Variants in CEP128 observed in about 807,000 individuals in gnomAD.
CEP128 encodes the protein centrosomal protein 128kDa.
A neutral mutation model predicts 156.7 loss-of-function variants in CEP128; 132 were observed. The ratio of observed to expected loss-of-function variants is 0.84; its 90% CI spans 0.73 to 0.97. The LOEUF is 0.97. Ranked by LOEUF, CEP128 falls within the 50% of genes least tolerant of loss-of-function variation. CEP128 has a pLI of 0.00. For synonymous variants in CEP128, 469 were observed against 448.9 expected (o/e 1.04, Z -0.57); for missense variants, 1,252 against 1,281.9 (o/e 0.98, Z 0.36).
At chr14:80,525,430 A>T (rs1888931147) in intron 23 of CEP128, among the ~76,000 whole-genome samples, 2 of 152,210 alleles carry the variant, frequency 1.3e-5, no homozygotes, top group Admixed American at 1.3e-4. Context: ...GTTAAATATG[A>T]TAAGGTATAT....
Position 80,872,442 on chromosome 14 carries a change from T to G in CEP128, c.646-9569A>C, listed in dbSNP as rs193110056. On this transcript the variant is annotated intron_variant, in intron 8 of 24. Transcript: ENST00000555265. ...GACAGCAACCACAACTTTTTGTCTCTCAAAGAAAAATGTGTTCCATAAGCT... is the reference window on the plus strand; with the variant it reads ...GACAGCAACCACAACTTTTTGTCTCGCAAAGAAAAATGTGTTCCATAAGCT... 2.3e-3 allele frequency among the ~76,000 whole-genome samples: 345 copies of G among 152,276 alleles called. 3 individuals are homozygous for G. Among genetic ancestry groups the G allele is most frequent in the Non-Finnish European group, 3.2e-3 (215 of 68,008 alleles).
At chr14:80,591,414 G>A (rs1480645875) in intron 19 of CEP128, among the ~76,000 whole-genome samples, 1 of 151,820 alleles carries the variant, frequency 6.6e-6, no homozygotes, top group Non-Finnish European at 1.5e-5. Flanking sequence ...GACAAAGAAG[G>A]GCATTACATA....
intron 19 of CEP128, among the ~76,000 whole-genome samples, chr14:80,720,679 C>T (rs1272889658): frequency 1.3e-5 from 2 of 152,120 alleles, no homozygotes; most frequent in African/African-American, 2.4e-5. Flanking sequence ...AATAAAAGTT[C>T]TTCCAAATTC....
intron 12 of CEP128, among the ~76,000 whole-genome samples, chr14:80,835,674 A>G (rs1886034665): frequency 6.6e-6 from 1 of 152,184 alleles, no homozygotes; most frequent in Non-Finnish European, 1.5e-5. Flanking sequence ...AGGTATCCTA[A>G]TATTTTTCAA....
intron 19 of CEP128, among the ~76,000 whole-genome samples, chr14:80,602,096 G>C (rs1302614718): frequency 6.6e-6 from 1 of 152,054 alleles, no homozygotes; most frequent in Non-Finnish European, 1.5e-5. Flanking sequence ...CTTGTTCTGA[G>C]ACAAAGGACA....
At chr14:80,752,759 T>G (rs1809746680) in intron 18 of CEP128, among the ~76,000 whole-genome samples, 1 of 152,220 alleles carries the variant, frequency 6.6e-6, no homozygotes, top group Non-Finnish European at 1.5e-5. Context: ...CCCTTCGCAG[T>G]AACTAATTAG....
At chr14:80,650,587 G>T (rs1004243772) in intron 19 of CEP128, among the ~76,000 whole-genome samples, 2 of 152,100 alleles carry the variant, frequency 1.3e-5, no homozygotes, top group Non-Finnish European at 2.9e-5. Flanking sequence ...TTTGAGACAT[G>T]TTCCATCAAT....
At chr14:80,884,875 C>T (rs143493416) in intron 8 of CEP128, among the ~76,000 whole-genome samples, 14 of 152,330 alleles carry the variant, frequency 9.2e-5, no homozygotes, top group African/African-American at 2.6e-4. Context: ...GCGGGTCCCA[C>T]TCCCACAAAG....
chr14:80,675,066 C>T (rs916420078), intron 19 of CEP128, among the ~76,000 whole-genome samples: 1 of 152,058 alleles, frequency 6.6e-6, no homozygotes, highest in East Asian at 1.9e-4. Flanking sequence ...ACAATCACCT[C>T]GTCCTTTTTA....
chr14:80,938,627 A>C (rs1040206474), intron 2 of CEP128, among the ~76,000 whole-genome samples: 3 of 152,032 alleles, frequency 2.0e-5, no homozygotes, highest in Non-Finnish European at 4.4e-5. Flanking sequence ...ACAATATGAA[A>C]TCCAAAAAAA....
intron 19 of CEP128, among the ~76,000 whole-genome samples, chr14:80,597,161 C>A (rs964986967): frequency 6.6e-6 from 1 of 151,846 alleles, no homozygotes; most frequent in African/African-American, 2.4e-5. Context: ...ATAAAATTGA[C>A]AAACCTTTAC....
chr14:80,626,001 G>T (rs1326954692), intron 19 of CEP128, among the ~76,000 whole-genome samples: 1 of 152,054 alleles, frequency 6.6e-6, no homozygotes, highest in Non-Finnish European at 1.5e-5. Context: ...GGTAACACTG[G>T]TATATTGAAT....
chr14:80,830,523 C>T (rs1595468700), intron 13 of CEP128: 1 of 257,186 alleles, frequency 3.9e-6, no homozygotes, highest in Non-Finnish European at 7.3e-6. Flanking sequence ...TAAACCATTT[C>T]CTTTTATGAG....
At chr14:80,492,685 T>G (rs987366451), downstream of CEP128, among the ~76,000 whole-genome samples, 1 of 152,194 alleles carries the variant, frequency 6.6e-6, no homozygotes, top group Non-Finnish European at 1.5e-5. Context: ...GCTTGGTGGC[T>G]TCAAATGATT....
rs377257962 is a variant in CEP128, at chr14:80,548,737, C to T, written c.2880+10542G>A. ...GGAAGTTAGAAAGGCAGTATGACTA[C>T]TTATCGGCATCAAATACGACACTGT... On this transcript the variant is annotated intron_variant, in intron 21 of 24. Transcript: ENST00000555265. Among the ~76,000 whole-genome samples the T allele has an allele frequency of 1.2e-4, 18 of 152,304 alleles. No individual in the cohort carries two copies. The East Asian group carries it at 3.5e-3, about 29-fold the overall frequency.
intron 2 of CEP128, among the ~76,000 whole-genome samples, chr14:80,922,780 A>G (rs1016699): frequency 0.39 from 59,051 of 152,154 alleles, 11,704 homozygotes; most frequent in South Asian, 0.52. Context: ...AAATTTCAGC[A>G]TGACACATTG....
At chr14:80,690,395 A>T (rs1292080662) in intron 19 of CEP128, among the ~76,000 whole-genome samples, 1 of 151,658 alleles carries the variant, frequency 6.6e-6, no homozygotes, top group Non-Finnish European at 1.5e-5. Flanking sequence ...CAGCCTAGGC[A>T]AAAACAGCGA....
At chr14:80,722,699 GA>G (rs1377794447) in intron 19 of CEP128, among the ~76,000 whole-genome samples, 1 of 151,674 alleles carries the variant, frequency 6.6e-6, no homozygotes, top group Non-Finnish European at 1.5e-5. Flanking sequence ...ACTAAAACAG[GA>G]ATACCAATTT....
At chr14:80,936,552 G>A (rs931060157) in intron 2 of CEP128, among the ~76,000 whole-genome samples, 22 of 152,166 alleles carry the variant, frequency 1.4e-4, no homozygotes, top group African/African-American at 4.1e-4. Context: ...GTGCATATCC[G>A]ATAAAGGCCT....
Sources: allele counts gnomAD v4.1 joint callset (sites outside exome capture counted in the v4.1 genomes callset), GRCh38; gene constraint gnomAD v4.1.1; transcripts MANE v1.5; gene names NCBI Gene and HGNC (gene_info 2026-07-23, HGNC 2026-07-21).